The following RGS5 variants were observed in gnomAD, a reference collection of about 807,000 sequenced individuals.
RGS5 encodes the protein regulator of G-protein signalling 5.
Under a neutral mutation model 18.9 loss-of-function variants are expected in RGS5, and 20 were observed. That is an observed-to-expected ratio of 1.06 (90% CI 0.74 to 1.54). RGS5 has a LOEUF of 1.54. Ranked by LOEUF, RGS5 falls within the 40% of genes most tolerant of loss-of-function variation. The pLI, the probability that RGS5 is intolerant of heterozygous loss-of-function variation, is 0.00. For synonymous variants in RGS5, 57 were observed against 76.2 expected (o/e 0.75, Z 1.31); for missense variants, 201 against 211.8 (o/e 0.95, Z 0.32).
Position 163,262,043 on chromosome 1 carries a change from A to C in RGS5, c.-281+44190T>G, listed in dbSNP as rs983328576. On this transcript the variant is annotated intron_variant, in intron 2 of 5. Transcript: ENST00000618415. ...TAATCTACTCCATAATGAAGGTAACAATCTAGAGGCGAGGAGGCAGTAGTC... is the reference window on the plus strand; with the variant it reads ...TAATCTACTCCATAATGAAGGTAACCATCTAGAGGCGAGGAGGCAGTAGTC... Among the ~76,000 whole-genome samples, 13 of 152,030 alleles carry C rather than the reference A, an allele frequency of 8.6e-5. 1 individual carries two copies. Among genetic ancestry groups the C allele is most frequent in the African/African-American group, 3.1e-4 (13 of 41,392 alleles).
chr1:163,320,369 G>A (rs898048920), intron 1 of RGS5, among the ~76,000 whole-genome samples: 16 of 152,112 alleles, frequency 1.1e-4, no homozygotes, highest in African/African-American at 2.9e-4. Context: ...TCATGATACC[G>A]TATAAAGCAG....
Position 163,145,958 on chromosome 1 carries a change from C to T in RGS5, c.*1384G>A, listed in dbSNP as rs370542144. ...CACCCTATTTCTTTTGAGTTAATATCCTCATCTCGATTACCCTCATACATG... is the reference window on the plus strand; with the variant it reads ...CACCCTATTTCTTTTGAGTTAATATTCTCATCTCGATTACCCTCATACATG... On this transcript the variant is annotated 3_prime_UTR_variant, in exon 5 of 5. Transcript: ENST00000313961. 9.2e-4 allele frequency: 140 copies of T among 152,260 alleles called. 2 individuals carry two copies. The highest frequency in any genetic ancestry group is 3.2e-3 in the African/African-American group (134 of 41,556). The allele number at this position is 152,260 out of a possible 1,614,324, so 9.4% of individuals were successfully genotyped here. A position where few individuals can be genotyped will look rare whatever the true frequency, so the allele number is the denominator to read the frequency against.
chr1:163,275,167 A>G (rs1453773532), intron 2 of RGS5, among the ~76,000 whole-genome samples: 3 of 152,182 alleles, frequency 2.0e-5, no homozygotes, highest in Non-Finnish European at 4.4e-5. Context: ...TCTGGTTTTT[A>G]TTAACCCCTA....
At chr1:163,172,884 GT>G (rs1455552337) in intron 1 of RGS5, among the ~76,000 whole-genome samples, 3 of 152,124 alleles carry the variant, frequency 2.0e-5, no homozygotes, top group Admixed American at 2.0e-4. Context: ...TGTTAGATTT[GT>G]TTTACTCCTC....
chr1:163,251,436 C>CT (rs1557919776), intron 2 of RGS5, among the ~76,000 whole-genome samples: 1 of 152,162 alleles, frequency 6.6e-6, no homozygotes, highest in Non-Finnish European at 1.5e-5. Flanking sequence ...TCCCACCACT[C>CT]TAACAGTCTC....
intron 2 of RGS5, among the ~76,000 whole-genome samples, chr1:163,242,040 G>A (rs1219681572): frequency 1.3e-5 from 2 of 152,144 alleles, no homozygotes; most frequent in Non-Finnish European, 2.9e-5. Flanking sequence ...CTGGAATAAA[G>A]GAAGTGAGAC....
chr1:163,181,764 C>A (rs1284481127), intron 1 of RGS5, among the ~76,000 whole-genome samples: 1 of 151,950 alleles, frequency 6.6e-6, no homozygotes, highest in Non-Finnish European at 1.5e-5. Context: ...TTTTAAATAA[C>A]CTTAAAAATA....
At chr1:163,217,631 A>T (rs1660247515) in exon 1 of RGS5, 2 of 1,533,990 alleles carry the variant, frequency 1.3e-6, no homozygotes, top group South Asian at 2.5e-5. Context: ...TTTGTCAGAC[A>T]CTTCTTTCCT....
At position 163,168,321 on chromosome 1, in the gene RGS5, T is replaced by G. The variant is rs759505895; in HGVS notation, c.92A>C (p.Asp31Ala). ...CGGAATGACAAGGTCACCAACTGAG[T>G]CTGGCTTCTGGAGGAGAATTCCCAA... is the stretch of plus-strand genomic sequence containing the variant. ...IKLGILLQKP[D>A]SVGDLVIPYN... Residue 31 changes from aspartate to alanine, a missense_variant, in exon 2 of 5, where the codon GAC becomes GCC. By Grantham distance (126) the Asp-to-Ala change is moderately radical. Transcript: ENST00000313961. 11 of 1,613,924 alleles carry G rather than the reference T, an allele frequency of 6.8e-6. No homozygotes were observed. In the East Asian group the frequency reaches 2.5e-4, roughly 36 times the overall value.
chr1:163,247,528 T>G (rs1188461287), intron 2 of RGS5, among the ~76,000 whole-genome samples: 1 of 151,582 alleles, frequency 6.6e-6, no homozygotes, highest in African/African-American at 2.4e-5. Context: ...ATCACCTATA[T>G]GTACCACTTT....
intron 2 of RGS5, among the ~76,000 whole-genome samples, chr1:163,230,108 T>G (rs1012965718): frequency 1.3e-5 from 2 of 152,236 alleles, no homozygotes; most frequent in Non-Finnish European, 2.9e-5. Flanking sequence ...CTTTCACCAT[T>G]GATTGTGAAT....
At chr1:163,176,200 C>T (rs1658549582) in intron 1 of RGS5, among the ~76,000 whole-genome samples, 1 of 152,228 alleles carries the variant, frequency 6.6e-6, no homozygotes, top group Non-Finnish European at 1.5e-5. Flanking sequence ...GTTACCTCAG[C>T]TACCCCAGGT....
intron 4 of RGS5, 72 bp from the exon 5 acceptor site, chr1:163,147,575 G>A: frequency 3.9e-6 from 5 of 1,293,966 alleles, no homozygotes; most frequent in South Asian, 2.0e-5. Context: ...AGAGGGAGGT[G>A]GAATTTCTCA....
chr1:163,296,786 C>T (rs905822638), intron 2 of RGS5, among the ~76,000 whole-genome samples: 1 of 152,146 alleles, frequency 6.6e-6, no homozygotes, highest in African/African-American at 2.4e-5. Flanking sequence ...TCAAGGTACA[C>T]TACCCCAAAA....
Position 163,199,839 on chromosome 1 carries a change from C to A in RGS5, c.44+2953G>T, listed in dbSNP as rs372855747. Among the ~76,000 whole-genome samples, 7 of 151,962 alleles carry A rather than the reference C, an allele frequency of 4.6e-5. No homozygotes were observed. In the East Asian group the frequency reaches 5.8e-4, roughly 13 times the overall value. ...ATTGATTTTTAGAGACAGGCTCTTG[C>A]TCTGTTACCCAGGTTGGGGTACAGT... is the stretch of plus-strand genomic sequence containing the variant. On this transcript the variant is annotated intron_variant, in intron 1 of 4. Transcript: ENST00000313961.
intron 2 of RGS5, among the ~76,000 whole-genome samples, chr1:163,298,225 T>C (rs565726677): frequency 1.6e-4 from 25 of 152,212 alleles, no homozygotes; most frequent in Admixed American, 1.4e-3. Flanking sequence ...AGAAGACATA[T>C]GCATGTATAC....
chr1:163,156,462 G>A (rs1337365699), intron 3 of RGS5, among the ~76,000 whole-genome samples: 4 of 151,998 alleles, frequency 2.6e-5, no homozygotes, highest in South Asian at 2.1e-4. Context: ...TACTACCATC[G>A]ACTTGCTCTT....
intron 2 of RGS5, among the ~76,000 whole-genome samples, chr1:163,223,810 TC>T (rs1323616802): frequency 6.6e-6 from 1 of 152,164 alleles, no homozygotes; most frequent in Non-Finnish European, 1.5e-5. Flanking sequence ...AACTATTTCC[TC>T]CCAGGTCAGA....
At position 163,144,609 on chromosome 1, in the gene RGS5, C is replaced by A. The variant is rs1657058988; in HGVS notation, c.*2733G>T. Reference sequence around the variant, plus strand: ...TCTTGCATCAAGCTTCATGCTTTCCCAGACATTTACTCAAGGGAACGTGGA... The same window carrying A: ...TCTTGCATCAAGCTTCATGCTTTCCAAGACATTTACTCAAGGGAACGTGGA... On this transcript the variant is annotated 3_prime_UTR_variant, in exon 5 of 5. Coordinates refer to ENST00000313961, the MANE Select transcript of RGS5 (RefSeq NM_003617.4). 6.6e-6 allele frequency: 1 copy of A among 152,596 alleles called. No individual in the cohort carries two copies. The highest frequency in any genetic ancestry group is 1.5e-5 in the Non-Finnish European group (1 of 68,046). 9.5% of individuals were successfully genotyped at this position (152,596 alleles called of 1,614,324 possible).
Sources: allele counts gnomAD v4.1 joint callset (sites outside exome capture counted in the v4.1 genomes callset), GRCh38; gene constraint gnomAD v4.1.1; transcripts MANE v1.5; gene names NCBI Gene and HGNC (gene_info 2026-07-23, HGNC 2026-07-21).